Variants in PHEX observed in about 807,000 individuals in gnomAD.
PHEX encodes phosphate-regulating neutral endopeptidase PHEX.
PHEX carries 16 observed loss-of-function variants against 68.0 expected under a neutral mutation model. The observed-to-expected ratio is 0.24, with a 90% CI of 0.16 to 0.36. PHEX has a LOEUF of 0.36. Among genes scored for constraint, PHEX ranks in the 10% least tolerant of loss-of-function variants. PHEX has a pLI of 1.00. For synonymous variants in PHEX, 208 were observed against 205.1 expected, an observed-to-expected ratio of 1.01 and a Z score of -0.12; for missense variants, 480 against 575.5, an observed-to-expected ratio of 0.83 and a Z score of 1.70.
At chrX:22,181,233 G>T (rs1426405898) in intron 14 of PHEX, among the ~76,000 whole-genome samples, 1 of 111,948 alleles carries the variant, frequency 8.9e-6, no homozygotes, top group African/African-American at 3.2e-5. Flanking sequence ...AAGTACAAGG[G>T]TTCTCTTTTC....
At chrX:22,073,110 G>A (rs145290120) in intron 3 of PHEX, among the ~76,000 whole-genome samples, 1 of 111,704 alleles carries the variant, frequency 9.0e-6, no homozygotes, top group Non-Finnish European at 1.9e-5. Context: ...CAGTGTCTTA[G>A]GTTAGCATAA....
rs760536536 is a variant in PHEX, at chrX:22,209,809, C to T, written c.1646-3095C>T. 3.8e-5 allele frequency among the ~76,000 whole-genome samples: 4 copies of T among 105,001 alleles called. No individual in the cohort carries two copies. In the South Asian group the frequency reaches 1.8e-3, roughly 48 times the overall value. 91.2% of individuals were successfully genotyped at this position (105,001 alleles called of 115,157 possible). A position where few individuals can be genotyped will look rare whatever the true frequency, so the allele number is the denominator to read the frequency against. On this transcript the variant is annotated intron_variant, in intron 15 of 21. Transcript: ENST00000379374. ...CCTCTCTCTCTCCCTCTCCCTCTCCCTCTCCTCCCTCTGTCTCCTCCCCCA... is the reference window on the plus strand; with the variant it reads ...CCTCTCTCTCTCCCTCTCCCTCTCCTTCTCCTCCCTCTGTCTCCTCCCCCA...
chrX:22,050,573 G>GAAAAA (rs5901695), intron 3 of PHEX, among the ~76,000 whole-genome samples: 1 of 49,631 alleles, frequency 2.0e-5, no homozygotes, highest in East Asian at 6.4e-4. Context: ...TTCATCTCAG[G>GAAAAA]AAAAAAAAAA....
intron 12 of PHEX, 26 bp from the exon 13 acceptor site, chrX:22,168,286 A>G: frequency 1.8e-6 from 2 of 1,085,924 alleles, no homozygotes; most frequent in Non-Finnish European, 1.3e-6. Context: ...AAACTCTGAC[A>G]TTATTTTTCT....
intron 12 of PHEX, among the ~76,000 whole-genome samples, chrX:22,158,810 T>C (rs764386525): frequency 7.5e-4 from 85 of 112,588 alleles, no homozygotes; most frequent in Non-Finnish European, 1.3e-3. Context: ...GTATACAGTA[T>C]TGAAAATTCT....
rs145335154 is a variant in PHEX, at chrX:22,194,684, G to A, written c.1645+4182G>A. Among the ~76,000 whole-genome samples the A allele has an allele frequency of 3.4e-3, 377 of 112,424 alleles. 1 individual carries two copies. Among genetic ancestry groups the A allele is most frequent in the Non-Finnish European group, 5.8e-3 (308 of 53,293 alleles). On this transcript the variant is annotated intron_variant, in intron 15 of 21. Coordinates refer to ENST00000379374, the MANE Select transcript of PHEX (RefSeq NM_000444.6). ...ACTTGAATAGAAAACAGAAAAACCT[G>A]TAGTTGTTTTTTCTTTTTCAAATCC...
intron 2 of PHEX, among the ~76,000 whole-genome samples, chrX:22,041,491 C>G (rs1927288418): frequency 9.2e-6 from 1 of 108,442 alleles, no homozygotes; most frequent in South Asian, 4.0e-4. Context: ...CCATGTCTGG[C>G]TCCTTTCCGT....
intron 20 of PHEX, among the ~76,000 whole-genome samples, chrX:22,237,443 A>G (rs1179153124): frequency 9.0e-6 from 1 of 111,254 alleles, no homozygotes; most frequent in African/African-American, 3.3e-5. Context: ...TTTCTCAGAT[A>G]TTCTTCTAAT....
At chrX:22,082,662 T>C (rs1294830512) in intron 5 of PHEX, among the ~76,000 whole-genome samples, 6 of 112,567 alleles carry the variant, frequency 5.3e-5, no homozygotes, top group Non-Finnish European at 1.1e-4. Context: ...GTGGGTTGTC[T>C]GTTTATTCTG....
intron 21 of PHEX, among the ~76,000 whole-genome samples, chrX:22,246,408 C>T (rs1389470053): frequency 8.9e-6 from 1 of 111,782 alleles, no homozygotes; most frequent in Non-Finnish European, 1.9e-5. Context: ...AAATCTTATT[C>T]TTAAGATCTT....
intron 13 of PHEX, chrX:22,169,805 T>A (rs1309994880): frequency 8.9e-6 from 1 of 112,734 alleles, no homozygotes; most frequent in East Asian, 2.8e-4. Flanking sequence ...AGTTATTTCA[T>A]CCTGTGTAGG....
intron 5 of PHEX, among the ~76,000 whole-genome samples, chrX:22,089,361 G>A (rs1399031425): frequency 1.8e-5 from 2 of 109,842 alleles, no homozygotes; most frequent in Non-Finnish European, 3.8e-5. Context: ...TGAAAAGACT[G>A]TCTTCTTTCT....
Position 22,243,895 on chromosome X carries a change from C to A in PHEX, c.2071-1438C>A, listed in dbSNP as rs758998617. On this transcript the variant is annotated intron_variant, in intron 20 of 21. Transcript: ENST00000379374. ...GTGGCGATTCCTCAAGGATCTAGAA[C>A]CAGAAATACCATTTGACCCAGCAAT... is the stretch of plus-strand genomic sequence containing the variant. Among the ~76,000 whole-genome samples, 19 of 111,870 alleles carry A rather than the reference C, an allele frequency of 1.7e-4. No individual in the cohort carries two copies. In the East Asian group the frequency reaches 5.1e-3, roughly 30 times the overall value.
At chrX:22,212,761 C>A in intron 15 of PHEX, 143 bp from the exon 16 acceptor site, 1 of 544,308 alleles carries the variant, frequency 1.8e-6, no homozygotes, top group Non-Finnish European at 3.4e-6. Flanking sequence ...ATCATTGAGA[C>A]AGCTAGATCT....
At chrX:22,159,344 T>G (rs1933041784) in intron 12 of PHEX, among the ~76,000 whole-genome samples, 1 of 113,022 alleles carries the variant, frequency 8.8e-6, no homozygotes, top group Non-Finnish European at 1.9e-5. Context: ...TTCACATTTT[T>G]TAAATAGTTT....
intron 7 of PHEX, among the ~76,000 whole-genome samples, chrX:22,094,480 T>G (rs966192537): frequency 5.3e-5 from 6 of 112,404 alleles, no homozygotes; most frequent in African/African-American, 1.9e-4. Context: ...CTGGCTTGAA[T>G]GGAAGGTTGC....
At chrX:22,065,715 C>T (rs962596804) in intron 3 of PHEX, among the ~76,000 whole-genome samples, 9 of 112,030 alleles carry the variant, frequency 8.0e-5, no homozygotes, top group Non-Finnish European at 1.5e-4. Context: ...TGAGCCACCG[C>T]GCCCGGCCGG....
chrX:22,244,370 A>G (rs752164155), intron 20 of PHEX, among the ~76,000 whole-genome samples: 5 of 110,623 alleles, frequency 4.5e-5, no homozygotes, highest in African/African-American at 1.6e-4. Flanking sequence ...CCATCATGGC[A>G]CATGTATACC....
intron 14 of PHEX, among the ~76,000 whole-genome samples, chrX:22,188,724 C>G (rs1469384452): frequency 1.8e-5 from 2 of 111,879 alleles, no homozygotes; most frequent in African/African-American, 6.5e-5. Context: ...TGGGAGTATC[C>G]ATCCCCTCAA....
Sources: allele counts gnomAD v4.1 joint callset (sites outside exome capture counted in the v4.1 genomes callset), GRCh38; gene constraint gnomAD v4.1.1; transcripts MANE v1.5; gene names NCBI Gene and HGNC (gene_info 2026-07-23, HGNC 2026-07-21).